Variants in C9orf40 observed in about 807,000 individuals in gnomAD.
The protein encoded by C9orf40 is chromosome 9 open reading frame 40, also known as uncharacterized protein C9orf40.
Under a neutral mutation model 7.9 loss-of-function variants are expected in C9orf40, and 2 were observed. The ratio of observed to expected loss-of-function variants is 0.25; its 90% CI spans 0.10 to 0.80. The LOEUF is 0.80. Among genes scored for constraint, C9orf40 ranks in the 30% least tolerant of loss-of-function variants. The probability of loss-of-function intolerance (pLI) is 0.68; values close to 1 mark genes in which losing one functional copy is unlikely to be tolerated. For synonymous variants in C9orf40, 113 were observed against 117.6 expected, an observed-to-expected ratio of 0.96 and a Z score of 0.25; for missense variants, 256 against 268.5, an observed-to-expected ratio of 0.95 and a Z score of 0.33.
In C9orf40 at chr9:74,952,596, C is replaced by G; in HGVS notation, c.16G>C (p.Ala6Pro). The change falls in exon 1 of 2, where the codon GCG (alanine) becomes CCG (proline). Residue 6 changes from alanine (A) to proline (P), a missense_variant. Ala to Pro is a conservative substitution (Grantham distance 27). Transcript: ENST00000376854. The surrounding 1 kb of genome is among the most constrained non-coding windows in gnomAD (Gnocchi z 5.4). MAKRRAAEPVTFHVPW... is the reference protein window; with the variant it reads MAKRRPAEPVTFHVPW... ...ACGTGGAACGTCACCGGCTCGGCCG[C>G]ACGCCGCTTGGCCATGGGCCCAGAG... 1 of 1,568,662 alleles carries G rather than the reference C, an allele frequency of 6.4e-7. No homozygotes were observed. Among genetic ancestry groups the G allele is most frequent in the Non-Finnish European group, 8.6e-7 (1 of 1,167,818 alleles).
At chr9:74,951,357 T>C (rs1343013912) in intron 1 of C9orf40, among the ~76,000 whole-genome samples, 2 of 152,166 alleles carry the variant, frequency 1.3e-5, no homozygotes, top group East Asian at 3.9e-4. Context: ...ACTGGCCCAA[T>C]CTCAGCTCAC....
chr9:74,946,701 A>G lies in C9orf40; in HGVS notation c.*1347T>C, dbSNP rs1469347824. ...AAGTGGCAGTACAAGACTTTGAACCATGTCTGACCACAATGCAATACAGTT... is the reference window on the plus strand; with the variant it reads ...AAGTGGCAGTACAAGACTTTGAACCGTGTCTGACCACAATGCAATACAGTT... On this transcript the variant is annotated 3_prime_UTR_variant, in exon 2 of 2. Coordinates refer to ENST00000376854, the MANE Select transcript of C9orf40 (RefSeq NM_017998.3). 1.3e-5 allele frequency: 2 copies of G among 152,162 alleles called. No homozygotes were observed. Among genetic ancestry groups the G allele is most frequent in the African/African-American group, 4.8e-5 (2 of 41,448 alleles). 9.4% of individuals were successfully genotyped at this position (152,162 alleles called of 1,614,324 possible). A position where few individuals can be genotyped will look rare whatever the true frequency, so the allele number is the denominator to read the frequency against.
chr9:74,952,847 A>G lies in C9orf40; in HGVS notation c.-236T>C, dbSNP rs2118684317. The G allele has an allele frequency of 8.3e-6, 4 of 480,348 alleles. No individual in the cohort carries two copies. Among genetic ancestry groups the G allele is most frequent in the South Asian group, 6.8e-5 (2 of 29,478 alleles). 29.8% of individuals were successfully genotyped at this position (480,348 alleles called of 1,614,324 possible). On this transcript the variant is annotated 5_prime_UTR_variant, in exon 1 of 2. Transcript: ENST00000376854. This position sits in a 1 kb window ranked among gnomAD's most constrained non-coding sequence, Gnocchi z 5.4. ...TCGCCGCCGCCGAGATGCGGCCCGG[A>G]CGTTGAGAAGCAACCGCGAAGCGGC... is the stretch of plus-strand genomic sequence containing the variant.
In C9orf40 at chr9:74,948,079, T is replaced by C; in HGVS notation, c.554A>G (p.Asn185Ser). The change falls in exon 2 of 2, where the codon AAT becomes AGT. Residue 185 changes from asparagine to serine, a missense_variant. By Grantham distance (46) the Asn-to-Ser change is conservative. Transcript: ENST00000376854. ...CTCCATGTCAACCTCAGCCCCTTCATTCCTGCCCTGAAGTGTTGCTTCTGT... is the reference window on the plus strand; with the variant it reads ...CTCCATGTCAACCTCAGCCCCTTCACTCCTGCCCTGAAGTGTTGCTTCTGT... ...TLTEATLQGR[N>S]EGAEVDMES 6.2e-7 allele frequency: 1 copy of C among 1,614,062 alleles called. No homozygotes were observed.
intron 1 of C9orf40, among the ~76,000 whole-genome samples, chr9:74,949,581 A>G (rs1832276335): frequency 1.3e-5 from 2 of 152,242 alleles, no homozygotes; most frequent in South Asian, 4.1e-4. Flanking sequence ...AATGTAGAAA[A>G]AAGGTATTTG....
intron 1 of C9orf40, among the ~76,000 whole-genome samples, chr9:74,949,984 C>CAA (rs544322010): frequency 8.0e-4 from 115 of 144,642 alleles, no homozygotes; most frequent in Middle Eastern, 3.6e-3. Context: ...CCCATCTCCA[C>CAA]AAAAAAAAAA....
At position 74,952,221 on chromosome 9, in the gene C9orf40, G is replaced by C. The variant is rs1334571082; in HGVS notation, c.391C>G (p.Pro131Ala). The C allele has an allele frequency of 8.2e-7, 1 of 1,219,160 alleles. No homozygotes were observed. Among genetic ancestry groups the C allele is most frequent in the South Asian group, 3.5e-5 (1 of 28,882 alleles). The allele number at this position is 1,219,160 out of a possible 1,614,324, so 75.5% of individuals were successfully genotyped here. A position where few individuals can be genotyped will look rare whatever the true frequency, so the allele number is the denominator to read the frequency against. Residue 131 changes from proline to alanine, a missense_variant, in exon 1 of 2, where the codon CCC (proline) becomes GCC (alanine). Physicochemically the swap from Pro to Ala is conservative, Grantham distance 27. Transcript: ENST00000376854. This position sits in a 1 kb window ranked among gnomAD's most constrained non-coding sequence, Gnocchi z 5.4. Reference protein sequence around the residue: ...GGDDGAGRAGPPRGDWGVASR... With the variant: ...GGDDGAGRAGAPRGDWGVASR... ...GCGACCCCCCAGTCTCCCCGCGGGG[G>C]TCCTGCGCGCCCCGCCCCGTCGTCG...
At position 74,948,171 on chromosome 9, in the gene C9orf40, C is replaced by T. The variant is rs2769058; in HGVS notation, c.462G>A (p.Gln154=). 523,823 of 1,611,594 alleles carry T rather than the reference C, an allele frequency of 0.33. 86,003 individuals carry two copies. The highest frequency in any genetic ancestry group is 0.38 in the East Asian group (17,141 of 44,812). The change falls in exon 2 of 2, where the codon CAG becomes CAA. Residue 154 remains glutamine (Q), a synonymous_variant. Transcript: ENST00000376854. The part of the protein sequence containing the change: ...NEEFWQYNTF[Q]YWRNPLPPID... Reference sequence around the variant, plus strand: ...TAGGAGGCAAAGGATTCCTCCAGTACTGGAAGGTATTATACTGCCAAAATT... The same window carrying T: ...TAGGAGGCAAAGGATTCCTCCAGTATTGGAAGGTATTATACTGCCAAAATT...
intron 1 of C9orf40, among the ~76,000 whole-genome samples, chr9:74,950,211 A>G (rs1455795454): frequency 6.6e-6 from 1 of 152,258 alleles, no homozygotes; most frequent in Non-Finnish European, 1.5e-5. Context: ...TGCAGCGACT[A>G]TAGGAAGTAG....
Position 74,948,018 on chromosome 9 carries a change from C to T in C9orf40, c.*30G>A. The T allele has an allele frequency of 6.3e-7, 1 of 1,587,998 alleles. No homozygotes were observed. Among genetic ancestry groups the T allele is most frequent in the Non-Finnish European group, 8.6e-7 (1 of 1,166,528 alleles). ...TTCACTTAGAGACATCTCCTCAAAT[C>T]AGCCAATCCCACTGCTTCGGCTCCT... On this transcript the variant is annotated 3_prime_UTR_variant, in exon 2 of 2. Coordinates refer to ENST00000376854, the MANE Select transcript of C9orf40 (RefSeq NM_017998.3).
In C9orf40 at chr9:74,947,634, T is replaced by C. The variant is rs1387497694; in HGVS notation, c.*414A>G. ...AACTAACAGAGTCAATAGAATGTATTAGAAAGTACTTTATTAACAAGTTAT... is the reference window on the plus strand; with the variant it reads ...AACTAACAGAGTCAATAGAATGTATCAGAAAGTACTTTATTAACAAGTTAT... On this transcript the variant is annotated 3_prime_UTR_variant, in exon 2 of 2. Coordinates refer to ENST00000376854, the MANE Select transcript of C9orf40 (RefSeq NM_017998.3). The C allele has an allele frequency of 6.5e-6, 1 of 154,396 alleles. No homozygotes were observed. The highest frequency in any genetic ancestry group is 1.9e-4 in the East Asian group (1 of 5,242). The allele number at this position is 154,396 out of a possible 1,614,324, so 9.6% of individuals were successfully genotyped here.
chr9:74,952,163 G>GGCCCCCCCCCCCCCCC lies in C9orf40; in HGVS notation c.426+22_426+23insGGGGGGGGGGGGGGGC. On this transcript the variant is annotated intron_variant, in intron 1 of 1. Coordinates refer to ENST00000376854, the MANE Select transcript of C9orf40 (RefSeq NM_017998.3). The surrounding 1 kb of genome is among the most constrained non-coding windows in gnomAD (Gnocchi z 5.4). Reference sequence around the variant, plus strand: ...AAAAGGCAAGCCCCTTCGCCCCTCAGCCCACCCGCCCCCAGCCCCTACCTG... The same window carrying GGCCCCCCCCCCCCCCC: ...AAAAGGCAAGCCCCTTCGCCCCTCAGGCCCCCCCCCCCCCCCCCCACCCGCCCCCAGCCCCTACCTG... 5.7e-6 allele frequency: 2 copies of GGCCCCCCCCCCCCCCC among 351,746 alleles called. No homozygotes were observed. Among genetic ancestry groups the GGCCCCCCCCCCCCCCC allele is most frequent in the Non-Finnish European group, 9.4e-6 (2 of 211,700 alleles). The allele number at this position is 351,746 out of a possible 1,614,324, so 21.8% of individuals were successfully genotyped here. A position where few individuals can be genotyped will look rare whatever the true frequency, so the allele number is the denominator to read the frequency against.
chr9:74,949,874 CAA>C (rs575287541), intron 1 of C9orf40, among the ~76,000 whole-genome samples: 3 of 151,932 alleles, frequency 2.0e-5, no homozygotes, highest in South Asian at 4.1e-4. Context: ...GGGCTTTCCT[CAA>C]AAGAGGGCCT....
At chr9:74,949,932 C>T (rs1366031347) in intron 1 of C9orf40, among the ~76,000 whole-genome samples, 5 of 151,516 alleles carry the variant, frequency 3.3e-5, no homozygotes, top group Non-Finnish European at 7.4e-5. Context: ...TAGGCAGAGG[C>T]GGGAGGATCA....
intron 1 of C9orf40, among the ~76,000 whole-genome samples, chr9:74,950,656 T>C (rs1832285729): frequency 6.6e-6 from 1 of 152,048 alleles, no homozygotes. Flanking sequence ...ATTTTTCACA[T>C]GAACAAGTCA....
Position 74,948,118 on chromosome 9 carries a change from C to T in C9orf40, c.515G>A (p.Ser172Asn). 1 of 1,614,034 alleles carries T rather than the reference C, an allele frequency of 6.2e-7. No individual in the cohort carries two copies. The highest frequency in any genetic ancestry group is 8.5e-7 in the Non-Finnish European group (1 of 1,179,940). Residue 172 changes from serine (S) to asparagine (N), a missense_variant, in exon 2 of 2, where the codon AGT (serine) becomes AAT (asparagine). By Grantham distance (46) the Ser-to-Asn change is conservative. Transcript: ENST00000376854. ...PIDLADIEDL[S>N]EDTLTEATLQ... The stretch of plus-strand genomic sequence containing the variant: ...TGTTGCTTCTGTCAGGGTGTCTTCA[C>T]TTAAATCTTCAATGTCTGCCAGATC...
At chr9:74,949,978 T>C (rs528012841) in intron 1 of C9orf40, among the ~76,000 whole-genome samples, 5 of 137,468 alleles carry the variant, frequency 3.6e-5, no homozygotes, top group South Asian at 2.3e-4. Context: ...CAAAACCCCA[T>C]CTCCACAAAA....
intron 1 of C9orf40, 53 bp from the exon 2 acceptor site, chr9:74,948,259 G>GT (rs67215531): frequency 1.5e-6 from 2 of 1,354,656 alleles, no homozygotes. Flanking sequence ...AAAAAATTAA[G>GT]TTTTTTTCAG....
chr9:74,951,295 CTTTTCTTTTT>C (rs576158948), intron 1 of C9orf40, among the ~76,000 whole-genome samples: 1,266 of 74,316 alleles, frequency 0.017, 9 homozygotes, highest in Non-Finnish European at 0.026. Flanking sequence ...TCTTTCTTTT[CTTTTCTTTTT>C]TTTTGAGACA....
Sources: gnomAD v4.1 joint callset for allele counts (sites outside exome capture counted in the v4.1 genomes callset) on GRCh38, gnomAD v4.1.1 for gene constraint, Gnocchi (gnomAD v3.1) non-coding constraint, MANE v1.5 for transcripts, NCBI Gene and HGNC (gene_info 2026-07-23, HGNC 2026-07-21) for gene names.